Variants in MMEL1 observed in about 807,000 individuals in gnomAD.
MMEL1 encodes membrane metalloendopeptidase like 1, also known as membrane metallo-endopeptidase-like 1.
Under a neutral mutation model 117.1 loss-of-function variants are expected in MMEL1, and 98 were observed. That is an observed-to-expected ratio of 0.84 (90% CI 0.71 to 0.99). The LOEUF is 0.99. Among genes scored for constraint, MMEL1 ranks in the 50% least tolerant of loss-of-function variants. The probability of loss-of-function intolerance (pLI) is 0.00; values close to 1 mark genes in which losing one functional copy is unlikely to be tolerated. For synonymous variants in MMEL1, 390 were observed against 415.1 expected (o/e 0.94, Z 0.74); for missense variants, 1,014 against 1,049.1 (o/e 0.97, Z 0.46).
chr1:2,624,631 T>C (rs1190055221), intron 2 of MMEL1, among the ~76,000 whole-genome samples: 7 of 152,192 alleles, frequency 4.6e-5, no homozygotes, highest in African/African-American at 1.7e-4. Context: ...CAGCAGTGTA[T>C]TGTGATGATG....
chr1:2,623,222 G>A (rs571615250), intron 2 of MMEL1, among the ~76,000 whole-genome samples: 18 of 151,962 alleles, frequency 1.2e-4, no homozygotes, highest in Non-Finnish European at 1.8e-4. Context: ...GGTGGGTAGT[G>A]GTGCGAAGAG....
At chr1:2,624,488 C>T (rs1342521526) in intron 2 of MMEL1, among the ~76,000 whole-genome samples, 1 of 152,168 alleles carries the variant, frequency 6.6e-6, no homozygotes, top group Non-Finnish European at 1.5e-5. Context: ...CTGCATATAC[C>T]ATTTCAAAAA....
At position 2,596,070 on chromosome 1, in the gene MMEL1, ACAAACACTGTCCGCACCTTGTCAAT is replaced by A; in HGVS notation, c.1414_1438del (p.Ile472TrpfsTer23). On this transcript the variant is annotated frameshift_variant, in exon 15 of 24. Coordinates refer to ENST00000378412, the MANE Select transcript of MMEL1 (RefSeq NM_033467.4). LOFTEE classifies it high-confidence loss of function. Reference sequence around the variant, plus strand: ...CCAGCCCAGCTCGTCCAGCGTCTCCACAAACACTGTCCGCACCTTGTCAATGAGTTCTCTGACCTGGGAATCGGGC... The same window carrying A: ...CCAGCCCAGCTCGTCCAGCGTCTCCAGAGTTCTCTGACCTGGGAATCGGGC... 1 of 1,613,918 alleles carries A rather than the reference ACAAACACTGTCCGCACCTTGTCAAT, an allele frequency of 6.2e-7. No individual in the cohort carries two copies. The highest frequency in any genetic ancestry group is 1.7e-5 in the Admixed American group (1 of 59,996).
intron 2 of MMEL1, among the ~76,000 whole-genome samples, chr1:2,624,289 G>A (rs1011441165): frequency 2.6e-5 from 4 of 152,182 alleles, no homozygotes; most frequent in African/African-American, 4.8e-5. Flanking sequence ...TCTGGTCCCC[G>A]GGCTGACTTC....
rs377326826 is a variant in MMEL1, at chr1:2,598,275, G to T, written c.1204C>A (p.Arg402Ser). The change falls in exon 13 of 24, where the codon CGC (arginine) becomes AGC (serine). Residue 402 changes from arginine to serine, a missense_variant. By Grantham distance (110) the Arg-to-Ser change is moderately radical. Transcript: ENST00000378412. ...ARTIQNYLVW[R>S]LVLDRIGSLS... ...CTACCAATGCGGTCCAGCACCAGGC[G>T]CCAGACCAGGTAGTTCTGTATGGTC... The T allele has an allele frequency of 2.5e-6, 4 of 1,614,098 alleles. No individual in the cohort carries two copies. The East Asian group carries it at 8.9e-5, about 36-fold the overall frequency.
At chr1:2,602,849 G>A (rs1644955613) in intron 11 of MMEL1, among the ~76,000 whole-genome samples, 1 of 152,056 alleles carries the variant, frequency 6.6e-6, no homozygotes, top group South Asian at 2.1e-4. Flanking sequence ...TTTACCTCCT[G>A]TCTGCTGTCC....
At chr1:2,629,565 C>T in intron 1 of MMEL1, 44 bp from the exon 2 acceptor site, 1 of 1,351,332 alleles carries the variant, frequency 7.4e-7, no homozygotes, top group African/African-American at 1.5e-5. Context: ...GCGTGGAGCT[C>T]CCCGAGCCCG....
In MMEL1 at chr1:2,595,857, C is replaced by T. The variant is rs1403952875; in HGVS notation, c.1500+152G>A. 4.3e-5 allele frequency: 27 copies of T among 623,078 alleles called. No individual in the cohort carries two copies. Among genetic ancestry groups the T allele is most frequent in the Admixed American group, 3.2e-4 (11 of 34,912 alleles). 38.6% of individuals were successfully genotyped at this position (623,078 alleles called of 1,614,324 possible). A position where few individuals can be genotyped will look rare whatever the true frequency, so the allele number is the denominator to read the frequency against. ...CCTTCTCCCCGTGGGGTCCTGTCTG[C>T]GCCTCCCGGGGCTGCCTTCTCCCCG... is the stretch of plus-strand genomic sequence containing the variant. On this transcript the variant is annotated intron_variant, in intron 15 of 23. Coordinates refer to ENST00000378412, the MANE Select transcript of MMEL1 (RefSeq NM_033467.4). This position sits in a 1 kb window ranked among gnomAD's most constrained non-coding sequence, Gnocchi z 4.8.
chr1:2,627,193 A>G (rs1422139729), intron 2 of MMEL1, among the ~76,000 whole-genome samples: 2 of 152,278 alleles, frequency 1.3e-5, no homozygotes, highest in Non-Finnish European at 2.9e-5. Context: ...TCTTACTACA[A>G]TATTAAATTT....
intron 22 of MMEL1, 92 bp downstream of exon 22, chr1:2,591,840 T>G: frequency 7.5e-7 from 1 of 1,325,310 alleles, no homozygotes; most frequent in Non-Finnish European, 1.1e-6. Context: ...CCTTCCATGC[T>G]GGGCTCTGGT....
At position 2,632,895 on chromosome 1, in the gene MMEL1, A is replaced by G; in HGVS notation, c.-67T>C. On this transcript the variant is annotated 5_prime_UTR_variant, in exon 1 of 24. Coordinates refer to ENST00000378412, the MANE Select transcript of MMEL1 (RefSeq NM_033467.4). ...GCTCACTCAGGAGTGGCTGCCGCCC[A>G]CAGTCAGGCCCCTGGAGACTGGGTC... 1.0e-6 allele frequency: 1 copy of G among 985,558 alleles called. No individual in the cohort carries two copies. The highest frequency in any genetic ancestry group is 1.2e-6 in the Non-Finnish European group (1 of 829,994). 61.1% of individuals were successfully genotyped at this position (985,558 alleles called of 1,614,324 possible). A position where few individuals can be genotyped will look rare whatever the true frequency, so the allele number is the denominator to read the frequency against.
chr1:2,631,223 C>T (rs1207078408), intron 1 of MMEL1, among the ~76,000 whole-genome samples: 2 of 152,174 alleles, frequency 1.3e-5, no homozygotes, highest in Non-Finnish European at 2.9e-5. Context: ...AGTCGTCACA[C>T]GCAATCACAC....
intron 1 of MMEL1, 94 bp downstream of exon 1, chr1:2,632,772 C>G (rs760952658): frequency 2.6e-6 from 2 of 779,894 alleles, no homozygotes; most frequent in Admixed American, 6.2e-5. Context: ...AGGGGCTGAG[C>G]GCCTGGAGAG....
At chr1:2,618,789 T>G (rs1645243973) in intron 2 of MMEL1, among the ~76,000 whole-genome samples, 1 of 152,180 alleles carries the variant, frequency 6.6e-6, no homozygotes, top group Non-Finnish European at 1.5e-5. Context: ...TGAATATGTA[T>G]TTACATTTTT....
chr1:2,604,210 C>A lies in MMEL1; in HGVS notation c.888G>T (p.Arg296Ser). 6.2e-7 allele frequency: 1 copy of A among 1,612,878 alleles called. No individual in the cohort carries two copies. Among genetic ancestry groups the A allele is most frequent in the Non-Finnish European group, 8.5e-7 (1 of 1,179,962 alleles). ...TLLREDANLP[R>S]DSCLVQEDMV... ...TGTCCTCCTGCACCAGGCAGCTGTC[C>A]CTGGGCAGGTTTGCATCCTCCCGCA... The change falls in exon 10 of 24, where the codon AGG becomes AGT. Residue 296 changes from arginine (R) to serine (S), a missense_variant. By Grantham distance (110) the Arg-to-Ser change is moderately radical. Transcript: ENST00000378412.
Position 2,609,803 on chromosome 1 carries a change from C to A in MMEL1, c.321G>T (p.Pro107=). The change falls in exon 5 of 24, where the codon CCG becomes CCT. Residue 107 remains proline (P), a synonymous_variant. Coordinates refer to ENST00000378412, the MANE Select transcript of MMEL1 (RefSeq NM_033467.4). ...AAARILQNMD[P]TTEPCDDFYQ... ...AGAAGTCGTCACACGGTTCCGTGGT[C>A]GGGTCCATGTTCTGGAGGATCCTGG... The A allele has an allele frequency of 1.2e-6, 2 of 1,612,458 alleles. No homozygotes were observed. The highest frequency in any genetic ancestry group is 1.7e-6 in the Non-Finnish European group (2 of 1,179,212).
At chr1:2,622,952 A>T (rs1163273587) in intron 2 of MMEL1, among the ~76,000 whole-genome samples, 5 of 150,576 alleles carry the variant, frequency 3.3e-5, no homozygotes, top group Non-Finnish European at 7.4e-5. Flanking sequence ...TTGGGAGGCC[A>T]AGGTCAAGAG....
In MMEL1 at chr1:2,594,829, C is replaced by T. The variant is rs768526814; in HGVS notation, c.1649G>A (p.Arg550Gln). 1.4e-5 allele frequency: 22 copies of T among 1,613,864 alleles called. No homozygotes were observed. Among genetic ancestry groups the T allele is most frequent in the Middle Eastern group, 1.6e-4 (1 of 6,082 alleles). The change falls in exon 17 of 24, where the codon CGG becomes CAG. Residue 550 changes from arginine (R) to glutamine (Q), a missense_variant. Transcript: ENST00000378412. ...SLQNLKVGAQRSLRKLREKVD... is the reference protein window; with the variant it reads ...SLQNLKVGAQQSLRKLREKVD... The stretch of plus-strand genomic sequence containing the variant: ...CTTTTCCCGAAGCTTCCTGAGGCTC[C>T]GCTGGGCGCCCACCTTGAGGTTCTG...
intron 2 of MMEL1, among the ~76,000 whole-genome samples, chr1:2,628,292 G>A (rs1031975572): frequency 1.3e-5 from 2 of 152,234 alleles, no homozygotes; most frequent in African/African-American, 4.8e-5. Flanking sequence ...GCAGCCCCGG[G>A]CCGGGACGCC....
Sources: allele counts gnomAD v4.1 joint callset (sites outside exome capture counted in the v4.1 genomes callset), GRCh38; gene constraint gnomAD v4.1.1; non-coding constraint Gnocchi (gnomAD v3.1); transcripts MANE v1.5; gene names NCBI Gene and HGNC (gene_info 2026-07-23, HGNC 2026-07-21).